SNX29: variants seen among roughly 807,000 people sequenced by gnomAD.
SNX29 encodes the protein sorting nexin-29.
In SNX29, 78 loss-of-function variants were observed where a neutral mutation model predicts 102.1. The ratio of observed to expected loss-of-function variants is 0.76; its 90% CI spans 0.64 to 0.92. The LOEUF (loss-of-function observed/expected upper bound fraction) is 0.92, where lower values mean the gene tolerates loss of function less well. Among genes scored for constraint, SNX29 ranks in the 40% least tolerant of loss-of-function variants. The pLI is 0.00. For synonymous variants in SNX29, 580 were observed against 414.5 expected (o/e 1.40, Z -4.85); for missense variants, 1,280 against 1,061.7 (o/e 1.21, Z -2.86).
intron 14 of SNX29, among the ~76,000 whole-genome samples, chr16:12,238,303 CT>C (rs5815674): frequency 0.56 from 76,792 of 137,558 alleles, 20,829 homozygotes; most frequent in African/African-American, 0.6. Flanking sequence ...TGGATGGGCA[CT>C]TTTTTTTTTT....
intron 19 of SNX29, among the ~76,000 whole-genome samples, chr16:12,497,629 T>G (rs1191314509): frequency 1.3e-5 from 2 of 152,194 alleles, no homozygotes; most frequent in East Asian, 1.9e-4. Flanking sequence ...TTTGCTGACA[T>G]GAGAAATCAG....
intron 13 of SNX29, among the ~76,000 whole-genome samples, chr16:12,147,688 C>T (rs1479482673): frequency 1.3e-5 from 2 of 152,224 alleles, no homozygotes; most frequent in African/African-American, 4.8e-5. Flanking sequence ...GACTTTCCCT[C>T]TTTGCCTCCG....
chr16:12,088,179 C>A (rs1034389049), intron 11 of SNX29: 1 of 453,114 alleles, frequency 2.2e-6, no homozygotes, highest in Non-Finnish European at 4.4e-6. Flanking sequence ...TTGGGCCAGG[C>A]AGAAAGCTAG....
intron 14 of SNX29, among the ~76,000 whole-genome samples, chr16:12,200,149 C>G (rs867281613): frequency 2.6e-5 from 4 of 152,138 alleles, no homozygotes; most frequent in African/African-American, 7.2e-5. Flanking sequence ...GGTTGGTTGA[C>G]AGCACCTACC....
rs559291179 is a variant in SNX29 at position 12,521,638 on chromosome 16, T to G, written c.2179-3064T>G. On this transcript the variant is annotated intron_variant, in intron 19 of 20. Coordinates refer to ENST00000566228, the MANE Select transcript of SNX29 (RefSeq NM_032167.5). Reference sequence around the variant, plus strand: ...CCTTTCTTGTCTTCCTGTAGCAGAGTCTATCAAGCTGCCTTGAGGGTTTCT... The same window carrying G: ...CCTTTCTTGTCTTCCTGTAGCAGAGGCTATCAAGCTGCCTTGAGGGTTTCT... Among the ~76,000 whole-genome samples, 7 of 152,208 alleles carry G rather than the reference T, an allele frequency of 4.6e-5. No individual in the cohort carries two copies. In the South Asian group the frequency reaches 1.5e-3, roughly 32 times the overall value.
intron 20 of SNX29, among the ~76,000 whole-genome samples, chr16:12,560,052 A>T (rs2078629695): frequency 2.6e-5 from 4 of 152,058 alleles, no homozygotes; most frequent in Non-Finnish European, 5.9e-5. Flanking sequence ...AAGAAAAATG[A>T]CTAGAAAACT....
intron 10 of SNX29, among the ~76,000 whole-genome samples, chr16:12,069,520 G>C (rs185012024): frequency 6.6e-6 from 1 of 152,042 alleles, no homozygotes; most frequent in African/African-American, 2.4e-5. Context: ...TGCCCACCTC[G>C]GCCTCCCAAA....
intron 13 of SNX29, among the ~76,000 whole-genome samples, chr16:12,151,858 C>G (rs1247179604): frequency 6.6e-6 from 1 of 152,210 alleles, no homozygotes; most frequent in East Asian, 1.9e-4. Flanking sequence ...GCCTCAGCCT[C>G]CTGTGTAGCT....
rs1464060741 is a variant in SNX29 at position 12,403,439 on chromosome 16, T to G, written c.1956-9T>G. On this transcript the variant is annotated splice_polypyrimidine_tract_variant and intron_variant, in intron 17 of 20. Coordinates refer to ENST00000566228, the MANE Select transcript of SNX29 (RefSeq NM_032167.5). ...CTAATGTTGGTCTCTCTCTCTTCCT[T>G]TTGGTTAGATCAAACCGGGCGCTGA... 1.9e-6 allele frequency: 3 copies of G among 1,601,276 alleles called. No homozygotes were observed. Among genetic ancestry groups the G allele is most frequent in the African/African-American group, 2.7e-5 (2 of 74,750 alleles).
chr16:12,227,273 C>T (rs1026238405), intron 14 of SNX29, among the ~76,000 whole-genome samples: 1 of 152,178 alleles, frequency 6.6e-6, no homozygotes, highest in African/African-American at 2.4e-5. Context: ...CCCTGTTTAG[C>T]GCATTTCTCA....
intron 8 of SNX29, 37 bp downstream of exon 8, chr16:12,052,259 C>T: frequency 6.2e-7 from 1 of 1,610,816 alleles, no homozygotes; most frequent in South Asian, 1.1e-5. Flanking sequence ...CACCGTCCCC[C>T]AGGCTGGAGT....
Position 12,052,058 on chromosome 16 carries a change from C to A in SNX29, c.960C>A (p.Ser320Arg). The change falls in exon 8 of 21, where the codon AGC (serine) becomes AGA (arginine). Residue 320 changes from serine (S) to arginine (R), a missense_variant. Transcript: ENST00000566228. ...GGCCTAACTCCAATGGAAGTCAGAG[C>A]AGCAACTCATGGAAAATTGATTCCC... ...PFGPNSNGSQSSNSWKIDSLS... is the reference protein window; with the variant it reads ...PFGPNSNGSQRSNSWKIDSLS... The A allele has an allele frequency of 1.2e-6, 2 of 1,613,948 alleles. No homozygotes were observed. The highest frequency in any genetic ancestry group is 1.7e-6 in the Non-Finnish European group (2 of 1,179,868).
intron 20 of SNX29, among the ~76,000 whole-genome samples, chr16:12,563,400 A>G (rs1356222907): frequency 6.6e-6 from 1 of 152,242 alleles, no homozygotes; most frequent in Admixed American, 6.5e-5. Flanking sequence ...CCATGAAAAT[A>G]GATGGCGACT....
intron 20 of SNX29, among the ~76,000 whole-genome samples, chr16:12,561,796 G>T (rs1216147201): frequency 6.6e-6 from 1 of 152,162 alleles, no homozygotes; most frequent in African/African-American, 2.4e-5. Flanking sequence ...GCGTGGCCTG[G>T]CAGGGGGCTC....
chr16:12,533,304 T>A (rs376112753), intron 20 of SNX29, among the ~76,000 whole-genome samples: 2 of 152,364 alleles, frequency 1.3e-5, no homozygotes, highest in East Asian at 1.9e-4. Flanking sequence ...TCAGCCCTAG[T>A]CACTGTTCGT....
chr16:12,557,015 A>ACACCCCCCCCCCCCCCCCCCCCCCCCCC lies in SNX29; in HGVS notation c.2319-11490_2319-11489insACCCCCCCCCCCCCCCCCCCCCCCCCCC, dbSNP rs66825746. On this transcript the variant is annotated intron_variant, in intron 20 of 20. Transcript: ENST00000566228. ...GGTACACACCACATCTGGCTAATTT[A>ACACCCCCCCCCCCCCCCCCCCCCCCCCC]CCCCCCCCCCGCCCCAAGATGAGGT... 6.3e-5 allele frequency among the ~76,000 whole-genome samples: 2 copies of ACACCCCCCCCCCCCCCCCCCCCCCCCCC among 31,812 alleles called. 1 individual carries two copies. 20.9% of individuals were successfully genotyped at this position (31,812 alleles called of 152,430 possible).
In SNX29 at chr16:12,568,886, C is replaced by G; in HGVS notation, c.*257C>G. 1.9e-6 allele frequency: 1 copy of G among 537,746 alleles called. No individual in the cohort carries two copies. The highest frequency in any genetic ancestry group is 3.2e-6 in the Non-Finnish European group (1 of 313,464). The allele number at this position is 537,746 out of a possible 1,614,324, so 33.3% of individuals were successfully genotyped here. A position where few individuals can be genotyped will look rare whatever the true frequency, so the allele number is the denominator to read the frequency against. On this transcript the variant is annotated 3_prime_UTR_variant, in exon 21 of 21. Coordinates refer to ENST00000566228, the MANE Select transcript of SNX29 (RefSeq NM_032167.5). ...CAGTCCTTCTGCTTCTGGGGTCTAC[C>G]CTGGGCTGCAAGGGCTGTTCCTCCA...
intron 20 of SNX29, chr16:12,527,102 A>G (rs1429483031): frequency 6.6e-6 from 3 of 455,370 alleles, no homozygotes; most frequent in African/African-American, 3.9e-5. Flanking sequence ...CTCTTTTAAT[A>G]AAAGCTCTTT....
At chr16:12,241,465 C>CT (rs1031320788) in intron 14 of SNX29, among the ~76,000 whole-genome samples, 347 of 146,846 alleles carry the variant, frequency 2.4e-3, no homozygotes, top group Middle Eastern at 0.011. Flanking sequence ...CCTGGTCTAT[C>CT]TTTTTTTTTT....
Sources: allele counts gnomAD v4.1 joint callset (sites outside exome capture counted in the v4.1 genomes callset), GRCh38; gene constraint gnomAD v4.1.1; transcripts MANE v1.5; gene names NCBI Gene and HGNC (gene_info 2026-07-23, HGNC 2026-07-21).